The following SRPX variants were observed in gnomAD, a reference collection of about 807,000 sequenced individuals.
SRPX encodes sushi repeat-containing protein SRPX.
In SRPX, 24 loss-of-function variants were observed where a neutral mutation model predicts 38.1. That is an observed-to-expected ratio of 0.63 (90% CI 0.46 to 0.89). SRPX has a LOEUF of 0.89. Among genes scored for constraint, SRPX ranks in the 40% least tolerant of loss-of-function variants. SRPX has a pLI of 0.00. For synonymous variants in SRPX, 184 were observed against 153.8 expected (o/e 1.20, Z -1.45); for missense variants, 416 against 377.8 (o/e 1.10, Z -0.84).
At chrX:38,202,025 T>G (rs1939122381) in intron 1 of SRPX, among the ~76,000 whole-genome samples, 1 of 111,534 alleles carries the variant, frequency 9.0e-6, no homozygotes, top group African/African-American at 3.3e-5. Context: ...TGGTTTTCTT[T>G]TATGTTCATT....
intron 4 of SRPX, among the ~76,000 whole-genome samples, chrX:38,170,338 C>T (rs1225583433): frequency 1.8e-5 from 2 of 112,019 alleles, no homozygotes; most frequent in East Asian, 5.6e-4. Flanking sequence ...GCTCAAGGAC[C>T]CCCTACCCCT....
chrX:38,184,265 G>A (rs1221102930), intron 1 of SRPX, among the ~76,000 whole-genome samples: 1 of 111,502 alleles, frequency 9.0e-6, no homozygotes, highest in Non-Finnish European at 1.9e-5. Context: ...GACCCAAATT[G>A]GTAGATTTGC....
At chrX:38,156,317 C>T (rs7889988) in intron 8 of SRPX, among the ~76,000 whole-genome samples, 1,907 of 111,583 alleles carry the variant, frequency 0.017, 39 homozygotes, top group African/African-American at 0.059. Context: ...GGACACATTT[C>T]CCAGAAAAGT....
intron 1 of SRPX, among the ~76,000 whole-genome samples, chrX:38,216,032 G>A (rs1044586102): frequency 1.6e-4 from 18 of 111,687 alleles, no homozygotes; most frequent in African/African-American, 4.6e-4. Flanking sequence ...GTTTTGAATC[G>A]GGATAGAGCC....
At position 38,220,735 on chromosome X, in the gene SRPX, G is replaced by A. The variant is rs1415803728; in HGVS notation, c.58C>T (p.Leu20=). Residue 20 remains leucine, a synonymous_variant, in exon 1 of 10, where the codon CTG becomes TTG. Transcript: ENST00000378533. The part of the protein sequence containing the change: ...LLLLLPPLLL[L]LLLRVPPSRS... ...CTGGGCGGGACGCGCAGCAGCAGCAGCAGCAGCAGAGGCGGCAGCAGCAGC... is the reference window on the plus strand; with the variant it reads ...CTGGGCGGGACGCGCAGCAGCAGCAACAGCAGCAGAGGCGGCAGCAGCAGC... The A allele has an allele frequency of 1.7e-6, 2 of 1,164,074 alleles. No homozygotes were observed. The highest frequency in any genetic ancestry group is 5.0e-5 in the Admixed American group (2 of 40,275).
intron 1 of SRPX, among the ~76,000 whole-genome samples, chrX:38,180,646 T>A (rs1408477844): frequency 8.9e-6 from 1 of 112,207 alleles, no homozygotes; most frequent in East Asian, 2.8e-4. Flanking sequence ...TTTCAGCAAA[T>A]AACCATCTTC....
At chrX:38,150,361 C>T (rs1284035876) in intron 9 of SRPX, among the ~76,000 whole-genome samples, 1 of 112,191 alleles carries the variant, frequency 8.9e-6, no homozygotes, top group Non-Finnish European at 1.9e-5. Flanking sequence ...TGCACGACCA[C>T]ATACACACTA....
intron 2 of SRPX, among the ~76,000 whole-genome samples, chrX:38,175,998 C>T (rs764002991): frequency 1.8e-5 from 2 of 111,500 alleles, no homozygotes; most frequent in Admixed American, 9.6e-5. Flanking sequence ...TAGTACCTAA[C>T]GCTATATATA....
At chrX:38,166,839 C>T (rs765212847) in intron 4 of SRPX, among the ~76,000 whole-genome samples, 3 of 111,564 alleles carry the variant, frequency 2.7e-5, no homozygotes, top group South Asian at 3.8e-4. Context: ...CTGGATGATA[C>T]ATTGTTGTTT....
chrX:38,188,195 G>A (rs1402408587), intron 1 of SRPX, among the ~76,000 whole-genome samples: 2 of 112,140 alleles, frequency 1.8e-5, no homozygotes, highest in African/African-American at 6.5e-5. Flanking sequence ...AAGGGATCCA[G>A]AAAGATTAGT....
intron 5 of SRPX, 70 bp from the exon 6 acceptor site, chrX:38,161,124 C>T (rs927649666): frequency 2.4e-5 from 28 of 1,145,156 alleles, no homozygotes; most frequent in Non-Finnish European, 3.2e-5. Flanking sequence ...CGATCCCCTA[C>T]TCTTTACAGG....
intron 1 of SRPX, among the ~76,000 whole-genome samples, chrX:38,201,014 A>G (rs780505500): frequency 1.8e-5 from 2 of 112,106 alleles, no homozygotes; most frequent in South Asian, 7.5e-4. Flanking sequence ...CAAATGTAAC[A>G]TATTTGTTCC....
At chrX:38,181,633 C>G (rs1258419563) in intron 1 of SRPX, among the ~76,000 whole-genome samples, 1 of 111,361 alleles carries the variant, frequency 9.0e-6, no homozygotes, top group Non-Finnish European at 1.9e-5. Context: ...AGTCATGGTG[C>G]CATTTGACCT....
intron 1 of SRPX, among the ~76,000 whole-genome samples, chrX:38,181,398 G>T (rs189712394): frequency 8.9e-6 from 1 of 112,440 alleles, no homozygotes; most frequent in Non-Finnish European, 1.9e-5. Context: ...TTGTGAAAGG[G>T]TCTACTTTTA....
At position 38,209,002 on chromosome X, in the gene SRPX, T is replaced by A. The variant is rs755136976; in HGVS notation, c.97+11694A>T. 8.5e-3 allele frequency among the ~76,000 whole-genome samples: 225 copies of A among 26,372 alleles called. 1 individual carries two copies. The highest frequency in any genetic ancestry group is 0.014 in the African/African-American group (206 of 14,325). The allele number at this position is 26,372 out of a possible 115,157, so 22.9% of individuals were successfully genotyped here. On this transcript the variant is annotated intron_variant, in intron 1 of 9. Transcript: ENST00000378533. ...GTGCTCAGCCTATATATATATATAT[T>A]TTTTTTTTGCAAAAAATTTTGGAAA...
In SRPX at chrX:38,180,111, A is replaced by G. The variant is rs759988604; in HGVS notation, c.98-1767T>C. Among the ~76,000 whole-genome samples, 7 of 111,720 alleles carry G rather than the reference A, an allele frequency of 6.3e-5. No individual in the cohort carries two copies. In the South Asian group the frequency reaches 1.1e-3, roughly 18 times the overall value. On this transcript the variant is annotated intron_variant, in intron 1 of 9. Transcript: ENST00000378533. ...AACCTTCAATCATCCAAATTAAAAAAAAATCCAGATACATGAGCAGCAAGC... is the reference window on the plus strand; with the variant it reads ...AACCTTCAATCATCCAAATTAAAAAGAAATCCAGATACATGAGCAGCAAGC...
At chrX:38,200,448 A>G (rs1279852032) in intron 1 of SRPX, among the ~76,000 whole-genome samples, 2 of 112,377 alleles carry the variant, frequency 1.8e-5, no homozygotes, top group Non-Finnish European at 3.8e-5. Context: ...ATAAAGCAGA[A>G]GAAGGACACT....
intron 4 of SRPX, among the ~76,000 whole-genome samples, chrX:38,168,604 A>G (rs1938405088): frequency 8.9e-6 from 1 of 112,381 alleles, no homozygotes; most frequent in South Asian, 3.7e-4. Context: ...ATGCAAATAT[A>G]AAATAGTTTG....
chrX:38,149,962 C>CA (rs1937980913), intron 9 of SRPX, 68 bp from the exon 10 acceptor site: 1 of 954,091 alleles, frequency 1.0e-6, no homozygotes, highest in African/African-American at 1.9e-5. Flanking sequence ...GTGGATCAAC[C>CA]AGAGCCTTAC....
Sources: gnomAD v4.1 joint callset for allele counts (sites outside exome capture counted in the v4.1 genomes callset) on GRCh38, gnomAD v4.1.1 for gene constraint, MANE v1.5 for transcripts, NCBI Gene and HGNC (gene_info 2026-07-23, HGNC 2026-07-21) for gene names.